SOX5: variants seen among roughly 807,000 people sequenced by gnomAD.
SOX5 encodes SRY-box transcription factor 5.
A neutral mutation model predicts 92.0 loss-of-function variants in SOX5; 9 were observed. The observed-to-expected ratio is 0.10, with a 90% CI of 0.06 to 0.17. The LOEUF (loss-of-function observed/expected upper bound fraction) is 0.17, where lower values mean the gene tolerates loss of function less well. Among genes scored for constraint, SOX5 ranks in the 10% least tolerant of loss-of-function variants. The pLI, the probability that SOX5 is intolerant of heterozygous loss-of-function variation, is 1.00. For missense variants in SOX5, 642 were observed against 944.5 expected (o/e 0.68, Z 4.20); for synonymous variants, 344 against 336.3 (o/e 1.02, Z -0.25).
At chr12:23,709,213 C>A (rs113159949) in intron 6 of SOX5, among the ~76,000 whole-genome samples, 2,382 of 152,156 alleles carry the variant, frequency 0.016, 78 homozygotes, top group African/African-American at 0.054. Flanking sequence ...GGGAACCTCC[C>A]ACCTCAGCCT....
intron 4 of SOX5, among the ~76,000 whole-genome samples, chr12:24,178,735 T>C (rs533096478): frequency 6.6e-6 from 1 of 152,360 alleles, no homozygotes; most frequent in East Asian, 1.9e-4. Context: ...ACCTGCTAAG[T>C]GCCAGGCATT....
intron 1 of SOX5, among the ~76,000 whole-genome samples, chr12:24,388,917 G>A (rs1237855897): frequency 1.3e-5 from 2 of 151,970 alleles, no homozygotes; most frequent in Non-Finnish European, 2.9e-5. Context: ...AAGTTTTCAA[G>A]GTTCATCTAC....
At chr12:23,715,821 A>ACAAAAAAAAAC (rs1435958185) in intron 6 of SOX5, among the ~76,000 whole-genome samples, 9 of 143,132 alleles carry the variant, frequency 6.3e-5, no homozygotes, top group African/African-American at 2.5e-4. Context: ...AAAAAAAAAA[A>ACAAAAAAAAAC]AAAAAAAAAA....
intron 4 of SOX5, among the ~76,000 whole-genome samples, chr12:24,207,524 T>C (rs924601059): frequency 2.4e-4 from 36 of 152,268 alleles, no homozygotes; most frequent in African/African-American, 8.2e-4. Context: ...AATGTAGAAA[T>C]GATTATATCC....
At chr12:24,486,175 G>T (rs181619602) in intron 1 of SOX5, among the ~76,000 whole-genome samples, 14 of 152,010 alleles carry the variant, frequency 9.2e-5, no homozygotes, top group African/African-American at 3.4e-4. Context: ...GGCCTTAAGC[G>T]ATCCTCCCAC....
chr12:24,398,359 T>C (rs989837442), intron 1 of SOX5, among the ~76,000 whole-genome samples: 3 of 152,016 alleles, frequency 2.0e-5, no homozygotes, highest in Non-Finnish European at 4.4e-5. Context: ...AAAAAACAAT[T>C]AACCAGGTGT....
chr12:23,582,282 G>A (rs1303489144), intron 9 of SOX5: 4 of 984,982 alleles, frequency 4.1e-6, no homozygotes, highest in Non-Finnish European at 4.8e-6. Context: ...GCTCCATAGA[G>A]GTTTACTAGA....
rs144443331 is a variant in SOX5 at position 23,775,712 on chromosome 12, T to C, written c.482-19988A>G. On this transcript the variant is annotated intron_variant, in intron 3 of 14. Coordinates refer to ENST00000451604, the MANE Select transcript of SOX5 (RefSeq NM_006940.6). Reference sequence around the variant, plus strand: ...CCACTAGCCACTGTGGCCATCTACATGCTTTGCCAATTAGCTGAGTTCATT... The same window carrying C: ...CCACTAGCCACTGTGGCCATCTACACGCTTTGCCAATTAGCTGAGTTCATT... Among the ~76,000 whole-genome samples, 84 of 152,374 alleles carry C rather than the reference T, an allele frequency of 5.5e-4. 1 individual carries two copies. The highest frequency in any genetic ancestry group is 1.0e-3 in the Non-Finnish European group (71 of 68,040).
intron 2 of SOX5, among the ~76,000 whole-genome samples, chr12:23,878,140 T>G (rs964911239): frequency 6.6e-6 from 1 of 152,054 alleles, no homozygotes; most frequent in Non-Finnish European, 1.5e-5. Flanking sequence ...TTTTAAAGCA[T>G]GTAATTAATT....
Position 24,255,152 on chromosome 12 carries a change from AAT to A in SOX5, c.-77+22062_-77+22063del, listed in dbSNP as rs1305872830. ...GCATCTTCCCCAGTGAACCATTTTA[AAT>A]AGTTTTTCCTAATTGTCCAAATATG... On this transcript the variant is annotated intron_variant, in intron 3 of 4. Transcript: ENST00000446891. 3.3e-5 allele frequency among the ~76,000 whole-genome samples: 5 copies of A among 152,244 alleles called. No homozygotes were observed. In the East Asian group the frequency reaches 9.7e-4, roughly 29 times the overall value.
intron 4 of SOX5, among the ~76,000 whole-genome samples, chr12:23,957,359 T>G (rs1329750794): frequency 6.6e-6 from 1 of 152,224 alleles, no homozygotes; most frequent in Non-Finnish European, 1.5e-5. Context: ...ATTTCGTGCC[T>G]GAGATTTTAG....
At chr12:24,327,047 T>C (rs1186863325) in intron 2 of SOX5, among the ~76,000 whole-genome samples, 1 of 152,162 alleles carries the variant, frequency 6.6e-6, no homozygotes, top group African/African-American at 2.4e-5. Flanking sequence ...AATGAATAAA[T>C]TTCACAATGG....
At chr12:24,140,167 TGTAG>T (rs1178397310) in intron 4 of SOX5, among the ~76,000 whole-genome samples, 3 of 152,164 alleles carry the variant, frequency 2.0e-5, no homozygotes, top group Non-Finnish European at 2.9e-5. Flanking sequence ...GGATTAATAG[TGTAG>T]GTCAATGCTG....
intron 3 of SOX5, among the ~76,000 whole-genome samples, chr12:23,768,057 T>G (rs1292657151): frequency 2.0e-5 from 3 of 152,164 alleles, no homozygotes; most frequent in African/African-American, 7.2e-5. Flanking sequence ...GCTTTCCTAA[T>G]GAGTCACCCA....
chr12:23,970,557 T>C (rs1378358988), intron 4 of SOX5, among the ~76,000 whole-genome samples: 2 of 151,912 alleles, frequency 1.3e-5, no homozygotes, highest in Admixed American at 6.6e-5. Context: ...AGTATTTTTC[T>C]CTTGGTGTCT....
chr12:23,787,744 A>C (rs1407172435), intron 3 of SOX5, among the ~76,000 whole-genome samples: 1 of 151,976 alleles, frequency 6.6e-6, no homozygotes, highest in Admixed American at 6.6e-5. Flanking sequence ...AAGAGACTTC[A>C]ACTTAGTATA....
At chr12:23,827,551 T>C (rs1256983468) in intron 3 of SOX5, among the ~76,000 whole-genome samples, 1 of 152,202 alleles carries the variant, frequency 6.6e-6, no homozygotes, top group Non-Finnish European at 1.5e-5. Context: ...TTCTATTTCA[T>C]ATACACCCAC....
chr12:24,296,709 C>G (rs1015069958), intron 2 of SOX5, among the ~76,000 whole-genome samples: 6 of 151,768 alleles, frequency 4.0e-5, no homozygotes, highest in Non-Finnish European at 8.8e-5. Flanking sequence ...AATATGGAAT[C>G]ACTCTCCTAC....
chr12:23,609,576 C>T (rs1468390908), intron 8 of SOX5, among the ~76,000 whole-genome samples: 1 of 152,160 alleles, frequency 6.6e-6, no homozygotes, highest in Non-Finnish European at 1.5e-5. Context: ...TATATGAAGT[C>T]TTCATAAGTA....
Sources: gnomAD v4.1 joint callset for allele counts (sites outside exome capture counted in the v4.1 genomes callset) on GRCh38, gnomAD v4.1.1 for gene constraint, MANE v1.5 for transcripts, NCBI Gene and HGNC (gene_info 2026-07-23, HGNC 2026-07-21) for gene names.